The following RBPMS variants were observed in gnomAD, a reference collection of about 807,000 sequenced individuals.
RBPMS encodes the protein RNA binding protein, mRNA processing factor.
A neutral mutation model predicts 26.8 loss-of-function variants in RBPMS; 7 were observed. That is an observed-to-expected ratio of 0.26 (90% CI 0.15 to 0.49). The LOEUF (loss-of-function observed/expected upper bound fraction) is 0.49. RBPMS is among the 20% of genes least tolerant of loss of function. RBPMS has a pLI of 0.98. For missense variants in RBPMS, 186 were observed against 250.0 expected, an observed-to-expected ratio of 0.74 and a Z score of 1.73; for synonymous variants, 96 against 93.3, an observed-to-expected ratio of 1.03 and a Z score of -0.17.
intron 7 of RBPMS, among the ~76,000 whole-genome samples, chr8:30,562,801 C>T (rs898512266): frequency 2.0e-5 from 3 of 152,094 alleles, no homozygotes; most frequent in East Asian, 3.9e-4. Context: ...GAACAGAAGA[C>T]GAGCAGGAGT....
Position 30,385,038 on chromosome 8 carries a change from C to T in RBPMS, c.-55C>T, listed in dbSNP as rs1806843475. On this transcript the variant is annotated 5_prime_UTR_variant, in exon 1 of 9. Transcript: ENST00000397323. ...GAAGGCTCCAGTGGGCTAGCGCGCC[C>T]TCGCCCAGCCCCGCGCCCCAGCCCT... The T allele has an allele frequency of 1.4e-6, 2 of 1,417,830 alleles. No homozygotes were observed. Among genetic ancestry groups the T allele is most frequent in the Non-Finnish European group, 1.9e-6 (2 of 1,065,098 alleles). 87.8% of individuals were successfully genotyped at this position (1,417,830 alleles called of 1,614,324 possible). A position where few individuals can be genotyped will look rare whatever the true frequency, so the allele number is the denominator to read the frequency against.
chr8:30,455,444 A>AAG (rs1815083883), intron 1 of RBPMS, among the ~76,000 whole-genome samples: 1 of 151,704 alleles, frequency 6.6e-6, no homozygotes, highest in Non-Finnish European at 1.5e-5. Flanking sequence ...TTAAAAAAAA[A>AAG]GTAAGTCCTG....
At chr8:30,464,468 A>G (rs1450932258) in intron 1 of RBPMS, among the ~76,000 whole-genome samples, 1 of 152,210 alleles carries the variant, frequency 6.6e-6, no homozygotes, top group East Asian at 1.9e-4. Context: ...TTAGAAGCAT[A>G]TTGCATAGTT....
rs1460173481 is a variant in RBPMS at position 30,558,869 on chromosome 8, T to C, written c.529-18T>C. 1.9e-6 allele frequency: 3 copies of C among 1,612,690 alleles called. No homozygotes were observed. Among genetic ancestry groups the C allele is most frequent in the Non-Finnish European group, 1.7e-6 (2 of 1,178,796 alleles). ...GCTGGGGAGCCCTGGCTCACGGCCT[T>C]CTCCCATGTCTTTTCAGATGCGCTG... is the stretch of plus-strand genomic sequence containing the variant. On this transcript the variant is annotated intron_variant, in intron 6 of 8. Transcript: ENST00000397323.
At chr8:30,452,651 G>T (rs1040220643) in intron 1 of RBPMS, among the ~76,000 whole-genome samples, 14 of 152,148 alleles carry the variant, frequency 9.2e-5, no homozygotes, top group African/African-American at 3.4e-4. Context: ...GCCTAGGTAG[G>T]GAAGAGTGCC....
chr8:30,487,842 CTTCTT>C (rs1253489152), intron 4 of RBPMS, among the ~76,000 whole-genome samples: 1 of 151,894 alleles, frequency 6.6e-6, no homozygotes, highest in Non-Finnish European at 1.5e-5. Flanking sequence ...AAGACTAAAA[CTTCTT>C]TTCTAAAAAT....
rs368832104 is a variant in RBPMS at position 30,521,733 on chromosome 8, A to G, written c.397+17297A>G. ...TTTTTTTAGGCTGGGTAATATTCCA[A>G]TTCATGTATACACCACATTTTCATT... On this transcript the variant is annotated intron_variant, in intron 5 of 8. Coordinates refer to ENST00000397323, the MANE Select transcript of RBPMS (RefSeq NM_001008710.3). Among the ~76,000 whole-genome samples, 4 of 152,090 alleles carry G rather than the reference A, an allele frequency of 2.6e-5. No homozygotes were observed. The East Asian group carries it at 5.8e-4, about 22-fold the overall frequency.
rs369853220 is a variant in RBPMS, at chr8:30,561,543, A to G, written c.*7+2587A>G. ...AGGCATGGCTTGAAACACTGACCTGACCCTCAGCATAAACTGACCGTTGAG... is the reference window on the plus strand; with the variant it reads ...AGGCATGGCTTGAAACACTGACCTGGCCCTCAGCATAAACTGACCGTTGAG... On this transcript the variant is annotated intron_variant, in intron 7 of 8. Coordinates refer to ENST00000397323, the MANE Select transcript of RBPMS (RefSeq NM_001008710.3). 4.6e-5 allele frequency among the ~76,000 whole-genome samples: 7 copies of G among 152,218 alleles called. No individual in the cohort carries two copies. The East Asian group carries it at 9.6e-4, about 21-fold the overall frequency.
intron 1 of RBPMS, among the ~76,000 whole-genome samples, chr8:30,440,794 CT>C (rs34107190): frequency 0.25 from 35,465 of 143,336 alleles, 4,541 homozygotes; most frequent in East Asian, 0.43. Flanking sequence ...ATTTTTTTAA[CT>C]TTTTTTTTTT....
At chr8:30,470,111 C>T (rs574968423) in intron 1 of RBPMS, among the ~76,000 whole-genome samples, 1 of 152,072 alleles carries the variant, frequency 6.6e-6, no homozygotes, top group Non-Finnish European at 1.5e-5. Flanking sequence ...AGGCCGGGCA[C>T]GGTGGCTCAC....
intron 1 of RBPMS, among the ~76,000 whole-genome samples, chr8:30,461,634 T>TTCC (rs1563341061): frequency 2.0e-5 from 3 of 152,136 alleles, no homozygotes; most frequent in Admixed American, 6.5e-5. Context: ...TGACCTCGTG[T>TTCC]TCCACCCGCC....
At chr8:30,551,362 C>T (rs1283038567) in intron 6 of RBPMS, among the ~76,000 whole-genome samples, 1 of 152,190 alleles carries the variant, frequency 6.6e-6, no homozygotes, top group Non-Finnish European at 1.5e-5. Flanking sequence ...AGTCGGTCCC[C>T]TAGTGTATGG....
chr8:30,432,509 G>T (rs1032689298), intron 1 of RBPMS, among the ~76,000 whole-genome samples: 3 of 152,126 alleles, frequency 2.0e-5, no homozygotes, highest in African/African-American at 7.2e-5. Context: ...GGAAGGAAAC[G>T]ATTTCATCAG....
At chr8:30,473,537 G>A (rs1489972837) in intron 1 of RBPMS, among the ~76,000 whole-genome samples, 1 of 152,096 alleles carries the variant, frequency 6.6e-6, no homozygotes, top group Admixed American at 6.6e-5. Flanking sequence ...ACAGTATGGC[G>A]ATTCCTCAAA....
At chr8:30,465,165 T>G (rs891654437) in intron 1 of RBPMS, among the ~76,000 whole-genome samples, 2 of 152,210 alleles carry the variant, frequency 1.3e-5, no homozygotes, top group African/African-American at 4.8e-5. Context: ...TCTAAGGATT[T>G]GACAACCATG....
chr8:30,408,167 C>T (rs1808865223), intron 1 of RBPMS, among the ~76,000 whole-genome samples: 1 of 152,054 alleles, frequency 6.6e-6, no homozygotes, highest in South Asian at 2.1e-4. Context: ...TTAAGTTAGA[C>T]CCCCAGAACC....
intron 6 of RBPMS, among the ~76,000 whole-genome samples, chr8:30,557,311 C>T (rs1015483798): frequency 6.6e-5 from 10 of 152,176 alleles, no homozygotes; most frequent in Non-Finnish European, 1.3e-4. Flanking sequence ...GCCTTGTGCT[C>T]GGACCAGGGA....
intron 3 of RBPMS, among the ~76,000 whole-genome samples, chr8:30,478,405 A>G (rs575035762): frequency 6.6e-6 from 1 of 152,286 alleles, no homozygotes; most frequent in South Asian, 2.1e-4. Flanking sequence ...CATGAGAAGA[A>G]TGATCTTGGA....
chr8:30,516,309 C>T (rs978686024), intron 5 of RBPMS, among the ~76,000 whole-genome samples: 6 of 152,148 alleles, frequency 3.9e-5, no homozygotes, highest in Non-Finnish European at 8.8e-5. Context: ...TGCCTGAACC[C>T]AGGAGGGAGA....
Sources: allele counts gnomAD v4.1 joint callset (sites outside exome capture counted in the v4.1 genomes callset), GRCh38; gene constraint gnomAD v4.1.1; transcripts MANE v1.5; gene names NCBI Gene and HGNC (gene_info 2026-07-23, HGNC 2026-07-21).